Variants in AGRN observed in about 807,000 individuals in gnomAD.
AGRN encodes the protein agrin, also known as agrin proteoglycan.
Under a neutral mutation model 211.0 loss-of-function variants are expected in AGRN, and 106 were observed. The ratio of observed to expected loss-of-function variants is 0.50; its 90% CI spans 0.43 to 0.59. AGRN has a LOEUF of 0.59. AGRN is among the 20% of genes least tolerant of loss of function. The pLI is 0.00. For synonymous variants in AGRN, 1,525 were observed against 1,332.5 expected, an observed-to-expected ratio of 1.14 and a Z score of -3.15; for missense variants, 3,040 against 2,982.6, an observed-to-expected ratio of 1.02 and a Z score of -0.45.
Position 1,029,629 on chromosome 1 carries a change from A to ATG in AGRN, c.464-5633_464-5632dup, listed in dbSNP as rs1413976423. Reference sequence around the variant, plus strand: ...CAGTGCATGGTGCTGTGAGATCAGCATGTGTGTGTGTGTGTGCAGTGCATG... The same window carrying ATG: ...CAGTGCATGGTGCTGTGAGATCAGCATGTGTGTGTGTGTGTGTGCAGTGCATG... On this transcript the variant is annotated intron_variant, in intron 2 of 35. Coordinates refer to ENST00000379370, the MANE Select transcript of AGRN (RefSeq NM_198576.4). Among the ~76,000 whole-genome samples the ATG allele has an allele frequency of 9.1e-5, 8 of 88,018 alleles. 1 individual carries two copies. The highest frequency in any genetic ancestry group is 2.1e-4 in the African/African-American group (4 of 18,680). 57.7% of individuals were successfully genotyped at this position (88,018 alleles called of 152,430 possible). A position where few individuals can be genotyped will look rare whatever the true frequency, so the allele number is the denominator to read the frequency against.
intron 35 of AGRN, 71 bp from the exon 36 acceptor site, chr1:1,054,753 C>T: frequency 6.5e-7 from 1 of 1,529,628 alleles, no homozygotes; most frequent in Non-Finnish European, 8.8e-7. Flanking sequence ...CCCTGCTGGT[C>T]ACCTGCTCGT....
Position 1,044,124 on chromosome 1 carries a change from G to C in AGRN, c.2015G>C (p.Gly672Ala), listed in dbSNP as rs775116890. 6.2e-7 allele frequency: 1 copy of C among 1,613,316 alleles called. No individual in the cohort carries two copies. Among genetic ancestry groups the C allele is most frequent in the Non-Finnish European group, 8.5e-7 (1 of 1,179,946 alleles). ...GPCEQAECGS[G>A]GSGSGEDGDC... ...TTCCCCGCAGCCGAGTGCGGTTCCGGAGGCTCTGGCTCTGGGGAGGACGGT... is the reference window on the plus strand; with the variant it reads ...TTCCCCGCAGCCGAGTGCGGTTCCGCAGGCTCTGGCTCTGGGGAGGACGGT... Residue 672 changes from glycine to alanine, a missense_variant, in exon 11 of 36, where the codon GGA becomes GCA. Gly to Ala is a moderately conservative substitution (Grantham distance 60). Around this residue, in one of 3 missense-constraint regions of AGRN, gnomAD observed 1,498 missense variants for 1,457.8 expected, o/e 1.03. Coordinates refer to ENST00000379370, the MANE Select transcript of AGRN (RefSeq NM_198576.4).
At position 1,045,215 on chromosome 1, in the gene AGRN, C is replaced by T. The variant is rs113017128; in HGVS notation, c.2309C>T (p.Pro770Leu). 111 of 1,612,486 alleles carry T rather than the reference C, an allele frequency of 6.9e-5. 1 individual carries two copies. The African/African-American group carries it at 1.2e-3, about 18-fold the overall frequency. ...PVAPLHCAQT[P>L]YGCCQDNITA... ...GCCCCCTTACACTGTGCCCAGACGCCCTACGGCTGCTGCCAGGACAATATC... is the reference window on the plus strand; with the variant it reads ...GCCCCCTTACACTGTGCCCAGACGCTCTACGGCTGCTGCCAGGACAATATC... The change falls in exon 13 of 36, where the codon CCC becomes CTC. Residue 770 changes from proline (P) to leucine (L), a missense_variant. By Grantham distance (98) the Pro-to-Leu change is moderately conservative. This residue lies in a region of AGRN where 1,498 missense variants were observed against 1,457.8 expected (regional missense o/e 1.03). Coordinates refer to ENST00000379370, the MANE Select transcript of AGRN (RefSeq NM_198576.4).
rs1378661294 is a variant in AGRN, at chr1:1,047,179, CCACCCTGGGGTCCCCA to C, written c.3389-146_3389-131del. The stretch of plus-strand genomic sequence containing the variant: ...GTCCTCCTGGTAACCGACACCAGCC[CCACCCTGGGGTCCCCA>C]CTAACCTCATGACCATCTGACTAAC... On this transcript the variant is annotated intron_variant, in intron 19 of 35. Transcript: ENST00000379370. 43 of 1,400,452 alleles carry C rather than the reference CCACCCTGGGGTCCCCA, an allele frequency of 3.1e-5. No homozygotes were observed. The East Asian group carries it at 1.0e-3, about 34-fold the overall frequency. 86.8% of individuals were successfully genotyped at this position (1,400,452 alleles called of 1,614,324 possible).
At chr1:1,051,082 C>G in intron 30 of AGRN, 171 bp from the exon 31 acceptor site, 1 of 1,548,242 alleles carries the variant, frequency 6.5e-7, no homozygotes, top group Non-Finnish European at 8.7e-7. Flanking sequence ...TCTCTGGCGC[C>G]TCAACCCCTA....
chr1:1,048,793 G>GC lies in AGRN; in HGVS notation c.4106-74_4106-73insC, dbSNP rs1234653312. 1.6e-5 allele frequency: 4 copies of GC among 251,700 alleles called. No homozygotes were observed. The South Asian group carries it at 2.1e-4, about 13-fold the overall frequency. 15.6% of individuals were successfully genotyped at this position (251,700 alleles called of 1,614,324 possible). On this transcript the variant is annotated intron_variant, in intron 23 of 35. Coordinates refer to ENST00000379370, the MANE Select transcript of AGRN (RefSeq NM_198576.4). The surrounding 1 kb of genome is among the most constrained non-coding windows in gnomAD (Gnocchi z 5.9). ...AAAAAAAAAAAAAAAAAAAAAAGCAGGGGGCGGTTTCAGGGATAAAAGTGG... is the reference window on the plus strand; with the variant it reads ...AAAAAAAAAAAAAAAAAAAAAAGCAGCGGGGCGGTTTCAGGGATAAAAGTGG...
In AGRN at chr1:1,055,766, C is replaced by T. The variant is rs1645434313; in HGVS notation, c.*785C>T. ...ATTTGACCCCTGGAGTGGTGGGTCT[C>T]ATCTTTCCCATCTCGCCTGAGAGCG... is the stretch of plus-strand genomic sequence containing the variant. On this transcript the variant is annotated 3_prime_UTR_variant, in exon 36 of 36. Coordinates refer to ENST00000379370, the MANE Select transcript of AGRN (RefSeq NM_198576.4). 6.5e-6 allele frequency: 1 copy of T among 152,688 alleles called. No individual in the cohort carries two copies. The highest frequency in any genetic ancestry group is 6.5e-5 in the Admixed American group (1 of 15,324). The allele number at this position is 152,688 out of a possible 1,614,324, so 9.5% of individuals were successfully genotyped here. A position where few individuals can be genotyped will look rare whatever the true frequency, so the allele number is the denominator to read the frequency against.
In AGRN at chr1:1,031,882, G is replaced by A. The variant is rs1644684263; in HGVS notation, c.464-3395G>A. The stretch of plus-strand genomic sequence containing the variant: ...TGGGTTTGACCCTGGCACTGCCCCT[G>A]GGACTCAGAGCTGGGAGGTGAGAAA... On this transcript the variant is annotated intron_variant, in intron 2 of 35. Coordinates refer to ENST00000379370, the MANE Select transcript of AGRN (RefSeq NM_198576.4). This position sits in a 1 kb window ranked among gnomAD's most constrained non-coding sequence, Gnocchi z 4.8. Among the ~76,000 whole-genome samples the A allele has an allele frequency of 6.6e-6, 1 of 152,236 alleles. No homozygotes were observed.
rs2100595750 is a variant in AGRN, at chr1:1,031,575, A to G, written c.464-3702A>G. 6.6e-6 allele frequency among the ~76,000 whole-genome samples: 1 copy of G among 152,222 alleles called. No individual in the cohort carries two copies. The highest frequency in any genetic ancestry group is 1.5e-5 in the Non-Finnish European group (1 of 67,990). On this transcript the variant is annotated intron_variant, in intron 2 of 35. Transcript: ENST00000379370. This position sits in a 1 kb window ranked among gnomAD's most constrained non-coding sequence, Gnocchi z 4.8. ...GGTTCCCCTTCCCCTGGCCCAGCCC[A>G]AGGGGCCCTAAGCCTCATTCCAGTG... is the stretch of plus-strand genomic sequence containing the variant.
Position 1,050,757 on chromosome 1 carries a change from A to G in AGRN, c.5173A>G (p.Thr1725Ala), listed in dbSNP as rs1222963458. 2 of 1,603,654 alleles carry G rather than the reference A, an allele frequency of 1.2e-6. No homozygotes were observed. Among genetic ancestry groups the G allele is most frequent in the African/African-American group, 1.3e-5 (1 of 74,754 alleles). ...GGAGCCAGTCACCCTGGGAGCCTGG[A>G]CCAGGGTCTCACTGGAGCGAAACGG... ...SREPVTLGAWTRVSLERNGRK... is the reference protein window; with the variant it reads ...SREPVTLGAWARVSLERNGRK... The change falls in exon 30 of 36, where the codon ACC becomes GCC. Residue 1725 changes from threonine to alanine, a missense_variant. By Grantham distance (58) the Thr-to-Ala change is moderately conservative. This residue lies in a region of AGRN where 1,537 missense variants were observed against 1,505.0 expected (regional missense o/e 1.02). Transcript: ENST00000379370.
chr1:1,027,536 C>A (rs952477197), intron 2 of AGRN, among the ~76,000 whole-genome samples: 1 of 152,242 alleles, frequency 6.6e-6, no homozygotes, highest in African/African-American at 2.4e-5. Context: ...CAGCACGCTG[C>A]CCCGTGTCTG....
chr1:1,052,555 A>G, intron 33 of AGRN: 1 of 198,288 alleles, frequency 5.0e-6, no homozygotes, highest in Non-Finnish European at 1.0e-5. Context: ...ATGTGTGTGT[A>G]TATGAGGGAG....
intron 1 of AGRN, among the ~76,000 whole-genome samples, chr1:1,020,810 C>CA (rs1189993451): frequency 6.6e-6 from 1 of 150,484 alleles, no homozygotes; most frequent in Non-Finnish European, 1.5e-5. Flanking sequence ...CCTGAGCTCC[C>CA]AACCCCGGGA....
chr1:1,055,424 G>C lies in AGRN; in HGVS notation c.*443G>C, dbSNP rs1645427412. The C allele has an allele frequency of 3.1e-6, 1 of 319,612 alleles. No homozygotes were observed. The allele number at this position is 319,612 out of a possible 1,614,324, so 19.8% of individuals were successfully genotyped here. A position where few individuals can be genotyped will look rare whatever the true frequency, so the allele number is the denominator to read the frequency against. On this transcript the variant is annotated 3_prime_UTR_variant, in exon 36 of 36. Coordinates refer to ENST00000379370, the MANE Select transcript of AGRN (RefSeq NM_198576.4). ...AGCTGCTCCTTCCTGTGTGTGCTCTGGGCCCTGCCTCGGCCTCCTGCGCCA... is the reference window on the plus strand; with the variant it reads ...AGCTGCTCCTTCCTGTGTGTGCTCTCGGCCCTGCCTCGGCCTCCTGCGCCA...
rs2799073 is a variant in AGRN at position 1,055,426 on chromosome 1, G to C, written c.*445G>C. On this transcript the variant is annotated 3_prime_UTR_variant, in exon 36 of 36. Transcript: ENST00000379370. Reference sequence around the variant, plus strand: ...CTGCTCCTTCCTGTGTGTGCTCTGGGCCCTGCCTCGGCCTCCTGCGCCAAT... The same window carrying C: ...CTGCTCCTTCCTGTGTGTGCTCTGGCCCCTGCCTCGGCCTCCTGCGCCAAT... 3.1e-6 allele frequency: 1 copy of C among 318,382 alleles called. No homozygotes were observed. Among genetic ancestry groups the C allele is most frequent in the Non-Finnish European group, 6.1e-6 (1 of 162,662 alleles). 19.7% of individuals were successfully genotyped at this position (318,382 alleles called of 1,614,324 possible). A position where few individuals can be genotyped will look rare whatever the true frequency, so the allele number is the denominator to read the frequency against.
chr1:1,043,668 C>A lies in AGRN; in HGVS notation c.1734C>A (p.Cys578Ter). The A allele has an allele frequency of 4.4e-6, 7 of 1,601,224 alleles. No individual in the cohort carries two copies. The highest frequency in any genetic ancestry group is 5.1e-6 in the Non-Finnish European group (6 of 1,179,758). The change falls in exon 9 of 36, where the codon TGC becomes TGA. Residue 578 changes from cysteine to a stop codon, truncating the protein, a stop_gained. Transcript: ENST00000379370. LOFTEE classifies it high-confidence loss of function. The stretch of plus-strand genomic sequence containing the variant: ...ACGGGCACACGTACCCCAGCGAGTG[C>A]ATGCTGCACGTGCACGCCTGCACAC... ...GSDGHTYPSECMLHVHACTHQ... is the reference protein window; with the variant it reads ...GSDGHTYPSE
intron 27 of AGRN, 92 bp from the exon 28 acceptor site, chr1:1,050,141 T>C: frequency 6.3e-7 from 1 of 1,592,382 alleles, no homozygotes; most frequent in South Asian, 1.1e-5. Flanking sequence ...CTCAGTCTAG[T>C]CTGGGTTTTG....
rs1220488615 is a variant in AGRN at position 1,032,571 on chromosome 1, G to A, written c.464-2706G>A. The stretch of plus-strand genomic sequence containing the variant: ...GGTCCTCTGGGGTGGACTGAGGTGA[G>A]GCCTGGGTGTGACCACGCGGTGGCA... On this transcript the variant is annotated intron_variant, in intron 2 of 35. Coordinates refer to ENST00000379370, the MANE Select transcript of AGRN (RefSeq NM_198576.4). This position sits in a 1 kb window ranked among gnomAD's most constrained non-coding sequence, Gnocchi z 4.7. Among the ~76,000 whole-genome samples, 1 of 152,206 alleles carries A rather than the reference G, an allele frequency of 6.6e-6. No individual in the cohort carries two copies. The highest frequency in any genetic ancestry group is 2.4e-5 in the African/African-American group (1 of 41,438).
chr1:1,035,274 C>T lies in AGRN; in HGVS notation c.464-3C>T. Reference sequence around the variant, plus strand: ...CCTAACTTGGGGATTTGTTTTCTTCCAGATAAACCCGGGACCCACTTCACT... The same window carrying T: ...CCTAACTTGGGGATTTGTTTTCTTCTAGATAAACCCGGGACCCACTTCACT... On this transcript the variant is annotated splice_polypyrimidine_tract_variant and splice_region_variant and intron_variant, in intron 2 of 35. Transcript: ENST00000379370. 1.9e-6 allele frequency: 3 copies of T among 1,613,024 alleles called. No homozygotes were observed. The highest frequency in any genetic ancestry group is 2.5e-6 in the Non-Finnish European group (3 of 1,179,972).
Sources: gnomAD v4.1 joint callset for allele counts (sites outside exome capture counted in the v4.1 genomes callset) on GRCh38, gnomAD v4.1.1 for gene constraint, gnomAD v4.1.1 regional missense constraint, Gnocchi (gnomAD v3.1) non-coding constraint, MANE v1.5 for transcripts, NCBI Gene and HGNC (gene_info 2026-07-23, HGNC 2026-07-21) for gene names.